YARS2: variants seen among roughly 807,000 people sequenced by gnomAD.
YARS2 encodes the protein tyrosine--tRNA ligase, mitochondrial.
YARS2 carries 38 observed loss-of-function variants against 45.0 expected under a neutral mutation model. That is an observed-to-expected ratio of 0.84 (90% CI 0.65 to 1.11). The LOEUF (loss-of-function observed/expected upper bound fraction) is 1.11, where lower values mean the gene tolerates loss of function less well. Among genes scored for constraint, YARS2 ranks in the 50% least tolerant of loss-of-function variants. The probability of loss-of-function intolerance (pLI) is 0.00; values close to 1 mark genes in which losing one functional copy is unlikely to be tolerated. For missense variants in YARS2, 602 were observed against 599.8 expected (o/e 1.00, Z -0.04); for synonymous variants, 287 against 245.1 (o/e 1.17, Z -1.60).
rs538784069 is a variant in YARS2 at position 32,753,233 on chromosome 12, G to A, written c.947+685C>T. ...TCAGGCTACAGTGAGCCAAGACTGC[G>A]TCACTACACTCTAGCCTGGGCAATG... is the stretch of plus-strand genomic sequence containing the variant. On this transcript the variant is annotated intron_variant, in intron 2 of 4. Coordinates refer to ENST00000324868, the MANE Select transcript of YARS2 (RefSeq NM_001040436.3). 1.5e-4 allele frequency among the ~76,000 whole-genome samples: 23 copies of A among 152,236 alleles called. No homozygotes were observed. In the East Asian group the frequency reaches 3.3e-3, roughly 22 times the overall value.
In YARS2 at chr12:32,750,885, A is replaced by C. The variant is rs780210613; in HGVS notation, c.948-11T>G. On this transcript the variant is annotated splice_polypyrimidine_tract_variant and intron_variant, in intron 2 of 4. Coordinates refer to ENST00000324868, the MANE Select transcript of YARS2 (RefSeq NM_001040436.3). ...AACAGCTTCAGGTACCTTTGAGACA[A>C]AAAATAAAGAGTTACACTTATATAA... 22 of 1,613,536 alleles carry C rather than the reference A, an allele frequency of 1.4e-5. No individual in the cohort carries two copies. Among genetic ancestry groups the C allele is most frequent in the African/African-American group, 2.7e-5 (2 of 74,916 alleles).
intron 2 of YARS2, among the ~76,000 whole-genome samples, chr12:32,752,441 G>A (rs1955763138): frequency 6.6e-6 from 1 of 152,014 alleles, no homozygotes; most frequent in African/African-American, 2.4e-5. Flanking sequence ...GATAGAAAAT[G>A]CAATTTTTGA....
intron 3 of YARS2, 83 bp downstream of exon 3, chr12:32,750,636 T>C: frequency 1.9e-6 from 3 of 1,568,404 alleles, no homozygotes; most frequent in Non-Finnish European, 2.6e-6. Context: ...AATGACAAGA[T>C]AATCCTAAAA....
At position 32,755,799 on chromosome 12, in the gene YARS2, A is replaced by G; in HGVS notation, c.76T>C (p.Leu26=). 1 of 1,613,832 alleles carries G rather than the reference A, an allele frequency of 6.2e-7. No individual in the cohort carries two copies. Among genetic ancestry groups the G allele is most frequent in the Non-Finnish European group, 8.5e-7 (1 of 1,180,034 alleles). Residue 26 remains leucine, a synonymous_variant, in exon 1 of 5, where the codon TTG becomes CTG. Coordinates refer to ENST00000324868, the MANE Select transcript of YARS2 (RefSeq NM_001040436.3). The part of the protein sequence containing the change: ...GTLNLSVLLP[L]GLRKAHSGAQ... ...CCCGAGTGGGCCTTACGCAGCCCCA[A>G]GGGCAACAATACTGAGAGATTTAGG...
Position 32,747,374 on chromosome 12 carries a change from G to C in YARS2, c.1275-11C>G. 1 of 1,613,160 alleles carries C rather than the reference G, an allele frequency of 6.2e-7. No individual in the cohort carries two copies. The highest frequency in any genetic ancestry group is 8.5e-7 in the Non-Finnish European group (1 of 1,179,890). On this transcript the variant is annotated splice_polypyrimidine_tract_variant and intron_variant, in intron 4 of 4. Transcript: ENST00000324868. ...GTTATCATTCGATACCTAAAAAATAGAAACGTTTAGTAAGTAGAGAGATCC... is the reference window on the plus strand; with the variant it reads ...GTTATCATTCGATACCTAAAAAATACAAACGTTTAGTAAGTAGAGAGATCC...
chr12:32,753,297 GAT>G (rs2137658527), intron 2 of YARS2, among the ~76,000 whole-genome samples: 1 of 152,230 alleles, frequency 6.6e-6, no homozygotes, highest in Non-Finnish European at 1.5e-5. Context: ...AAAAAGAACT[GAT>G]ATTATTTTTG....
chr12:32,752,794 C>A, intron 2 of YARS2: 1 of 373,104 alleles, frequency 2.7e-6, no homozygotes, highest in Non-Finnish European at 5.3e-6. Flanking sequence ...CATCAAAACC[C>A]CAGGACTATA....
Position 32,750,828 on chromosome 12 carries a change from T to C in YARS2, c.994A>G (p.Ile332Val), listed in dbSNP as rs759167403. The change falls in exon 3 of 5, where the codon ATC (isoleucine) becomes GTC (valine). Residue 332 changes from isoleucine to valine, a missense_variant. Coordinates refer to ENST00000324868, the MANE Select transcript of YARS2 (RefSeq NM_001040436.3). ...GGCTCTTTGACATGCAGCTGCATGA[T>C]ATGATCAATCTCTGGAAGGGGCAGG... ...TFLPLPEIDH[I>V]MQLHVKEPER... 1.9e-5 allele frequency: 30 copies of C among 1,614,072 alleles called. No individual in the cohort carries two copies. In the Admixed American group the frequency reaches 4.5e-4, roughly 24 times the overall value.
At chr12:32,752,651 G>A in intron 2 of YARS2, 1 of 260,976 alleles carries the variant, frequency 3.8e-6, no homozygotes, top group Non-Finnish European at 7.4e-6. Context: ...CTACTCAGGA[G>A]AATCACTTGA....
Position 32,755,827 on chromosome 12 carries a change from A to G in YARS2, c.48T>C (p.Gly16=), listed in dbSNP as rs369919553. 1 of 1,613,328 alleles carries G rather than the reference A, an allele frequency of 6.2e-7. No homozygotes were observed. Among genetic ancestry groups the G allele is most frequent in the African/African-American group, 1.3e-5 (1 of 74,932 alleles). ...GCAACAATACTGAGAGATTTAGGGTACCAGACCACCGGCCCCAGGAAAAGG... is the reference window on the plus strand; with the variant it reads ...GCAACAATACTGAGAGATTTAGGGTGCCAGACCACCGGCCCCAGGAAAAGG... The part of the protein sequence containing the change: ...LRSFSWGRWS[G]TLNLSVLLPL... The change falls in exon 1 of 5, where the codon GGT becomes GGC. Residue 16 remains glycine (G), a synonymous_variant. Coordinates refer to ENST00000324868, the MANE Select transcript of YARS2 (RefSeq NM_001040436.3).
At position 32,755,411 on chromosome 12, in the gene YARS2, T is replaced by C. The variant is rs767171854; in HGVS notation, c.464A>G (p.His155Arg). 6.2e-7 allele frequency: 1 copy of C among 1,613,598 alleles called. No homozygotes were observed. The highest frequency in any genetic ancestry group is 8.5e-7 in the Non-Finnish European group (1 of 1,179,978). The change falls in exon 1 of 5, where the codon CAC becomes CGC. Residue 155 changes from histidine (H) to arginine (R), a missense_variant. Coordinates refer to ENST00000324868, the MANE Select transcript of YARS2 (RefSeq NM_001040436.3). ...GCGCCCATCAGTGAAAAGCTGCTGG[T>C]GATTAGCCGCCAGGGCCTCAAGCCC... Reference protein sequence around the residue: ...RLGLEALAANHQQLFTDGRSW... With the variant: ...RLGLEALAANRQQLFTDGRSW...
At position 32,755,214 on chromosome 12, in the gene YARS2, A is replaced by G; in HGVS notation, c.661T>C (p.Tyr221His). The G allele has an allele frequency of 1.2e-6, 2 of 1,614,196 alleles. No individual in the cohort carries two copies. Among genetic ancestry groups the G allele is most frequent in the Non-Finnish European group, 1.7e-6 (2 of 1,180,034 alleles). The change falls in exon 1 of 5, where the codon TAC (tyrosine) becomes CAC (histidine). Residue 221 changes from tyrosine (Y) to histidine (H), a missense_variant. Tyr to His is a moderately conservative substitution (Grantham distance 83). Coordinates refer to ENST00000324868, the MANE Select transcript of YARS2 (RefSeq NM_001040436.3). Reference protein sequence around the residue: ...PEGMSLAEFFYQVLQAYDFYY... With the variant: ...PEGMSLAEFFHQVLQAYDFYY... ...AAGTCATAGGCCTGGAGCACCTGGT[A>G]AAAGAACTCGGCCAAGCTCATGCCC...
intron 2 of YARS2, among the ~76,000 whole-genome samples, chr12:32,751,496 T>G (rs149779679): frequency 5.1e-4 from 77 of 152,298 alleles, no homozygotes; most frequent in African/African-American, 1.8e-3. Context: ...AAGCATGTTT[T>G]TATACTTTCA....
rs1277596716 is a variant in YARS2, at chr12:32,746,703, A to G, written c.*501T>C. ...CAGGTGCCTGCAACCACATCTGGCT[A>G]ATTTTTATATTTTCAGTAGAGACGG... On this transcript the variant is annotated 3_prime_UTR_variant, in exon 5 of 5. Coordinates refer to ENST00000324868, the MANE Select transcript of YARS2 (RefSeq NM_001040436.3). 6.3e-6 allele frequency: 1 copy of G among 157,798 alleles called. No individual in the cohort carries two copies. The highest frequency in any genetic ancestry group is 2.4e-5 in the African/African-American group (1 of 41,374). The allele number at this position is 157,798 out of a possible 1,614,324, so 9.8% of individuals were successfully genotyped here.
At position 32,755,563 on chromosome 12, in the gene YARS2, C is replaced by G. The variant is rs369750897; in HGVS notation, c.312G>C (p.Ala104=). 2.5e-6 allele frequency: 4 copies of G among 1,613,652 alleles called. No individual in the cohort carries two copies. Among genetic ancestry groups the G allele is most frequent in the African/African-American group, 2.7e-5 (2 of 74,948 alleles). The part of the protein sequence containing the change: ...ALLGLFHLQR[A]GHNVIALVGG... ...CCACCAGCGCGATCACGTTGTGGCC[C>G]GCTCGCTGCAAATGAAACAGGCCCA... The change falls in exon 1 of 5, where the codon GCG becomes GCC. Residue 104 remains alanine (A), a synonymous_variant. Transcript: ENST00000324868.
chr12:32,754,711 C>CTT (rs755897245), intron 1 of YARS2, among the ~76,000 whole-genome samples: 10,075 of 126,640 alleles, frequency 0.08, 586 homozygotes, highest in African/African-American at 0.13. Flanking sequence ...GTCTGTTTCC[C>CTT]TTTTTTTTTT....
chr12:32,753,445 G>A (rs1200822641), intron 2 of YARS2, among the ~76,000 whole-genome samples: 2 of 152,096 alleles, frequency 1.3e-5, no homozygotes, highest in Non-Finnish European at 2.9e-5. Flanking sequence ...ATGTTACAGA[G>A]CATCAAAATA....
At position 32,755,742 on chromosome 12, in the gene YARS2, G is replaced by T. The variant is rs1323337919; in HGVS notation, c.133C>A (p.Arg45=). The T allele has an allele frequency of 6.2e-7, 1 of 1,614,040 alleles. No homozygotes were observed. Among genetic ancestry groups the T allele is most frequent in the Non-Finnish European group, 8.5e-7 (1 of 1,180,024 alleles). The part of the protein sequence containing the change: ...AQGLLAAQKA[R]GLFKDFFPET... ...GGGAAGAAGTCCTTGAACAGACCTC[G>T]AGCCTTCTGCGCTGCCAGTAACCCC... is the stretch of plus-strand genomic sequence containing the variant. Residue 45 remains arginine, a synonymous_variant, in exon 1 of 5, where the codon CGA becomes AGA. Transcript: ENST00000324868.
intron 2 of YARS2, 145 bp from the exon 3 acceptor site, chr12:32,751,019 C>T: frequency 2.3e-6 from 2 of 884,680 alleles, no homozygotes; most frequent in South Asian, 1.7e-5. Context: ...GTCCCATGCA[C>T]ACATCACCCA....
Sources: allele counts gnomAD v4.1 joint callset (sites outside exome capture counted in the v4.1 genomes callset), GRCh38; gene constraint gnomAD v4.1.1; transcripts MANE v1.5; gene names NCBI Gene and HGNC (gene_info 2026-07-23, HGNC 2026-07-21).